The following GRM1 variants were observed in gnomAD, a reference collection of about 807,000 sequenced individuals.
GRM1 encodes the protein metabotropic glutamate receptor 1.
Under a neutral mutation model 90.9 loss-of-function variants are expected in GRM1, and 33 were observed. The observed-to-expected ratio is 0.36, with a 90% confidence interval of 0.28 to 0.49. The LOEUF (loss-of-function observed/expected upper bound fraction) is 0.49, where lower values mean the gene tolerates loss of function less well. GRM1 is among the 20% of genes least tolerant of loss of function. The pLI is 0.99. For synonymous variants in GRM1, 700 were observed against 613.2 expected, an observed-to-expected ratio of 1.14 and a Z score of -2.09; for missense variants, 1,190 against 1,534.3, an observed-to-expected ratio of 0.78 and a Z score of 3.75.
chr6:146,271,080 C>T (rs1409882900), intron 2 of GRM1, among the ~76,000 whole-genome samples: 9 of 151,402 alleles, frequency 5.9e-5, no homozygotes, highest in African/African-American at 2.2e-4. Flanking sequence ...TCTCAGCTCA[C>T]TGCAACCTTC....
Position 146,434,888 on chromosome 6 carries a change from T to TG in GRM1, c.*98dup, listed in dbSNP as rs1778546852. On this transcript the variant is annotated 3_prime_UTR_variant, in exon 8 of 8. Coordinates refer to ENST00000282753, the MANE Select transcript of GRM1 (RefSeq NM_001278064.2). ...ACAGCTGGGAGGAAAAGCCTGGGAG[T>TG]GGGGGGCCTCGTCGGGAGGACAGGA... The TG allele has an allele frequency of 3.5e-6, 4 of 1,137,856 alleles. No homozygotes were observed. Among genetic ancestry groups the TG allele is most frequent in the East Asian group, 2.4e-5 (1 of 41,720 alleles). The allele number at this position is 1,137,856 out of a possible 1,614,324, so 70.5% of individuals were successfully genotyped here. A position where few individuals can be genotyped will look rare whatever the true frequency, so the allele number is the denominator to read the frequency against.
intron 2 of GRM1, among the ~76,000 whole-genome samples, chr6:146,229,530 A>G (rs1183034938): frequency 6.6e-6 from 1 of 151,932 alleles, no homozygotes; most frequent in Admixed American, 6.6e-5. Context: ...AAAAGTAACC[A>G]AAGTCACGTT....
At chr6:146,137,606 A>C (rs1191250459) in intron 1 of GRM1, among the ~76,000 whole-genome samples, 4 of 151,708 alleles carry the variant, frequency 2.6e-5, no homozygotes, top group Non-Finnish European at 5.9e-5. Context: ...TGATTCCTCA[A>C]TTTTTTTTCC....
At chr6:146,371,585 T>A (rs1429018876) in intron 5 of GRM1, among the ~76,000 whole-genome samples, 2 of 152,062 alleles carry the variant, frequency 1.3e-5, no homozygotes, top group Non-Finnish European at 2.9e-5. Context: ...TCTTTTGTAC[T>A]CATTAACCAT....
At chr6:146,062,041 C>G (rs771737128) in intron 1 of GRM1, among the ~76,000 whole-genome samples, 1 of 152,056 alleles carries the variant, frequency 6.6e-6, no homozygotes, top group Non-Finnish European at 1.5e-5. Flanking sequence ...AAGACACACA[C>G]GCACGTATGT....
chr6:146,106,685 T>C lies in GRM1; in HGVS notation c.701-52663T>C, dbSNP rs1775315672. On this transcript the variant is annotated intron_variant, in intron 1 of 7. Coordinates refer to ENST00000282753, the MANE Select transcript of GRM1 (RefSeq NM_001278064.2). Reference sequence around the variant, plus strand: ...TATAGCCATTGACCTTCCCAGTGACTGCCAACAAAATCCTTTAGTTTATCA... The same window carrying C: ...TATAGCCATTGACCTTCCCAGTGACCGCCAACAAAATCCTTTAGTTTATCA... Among the ~76,000 whole-genome samples, 3 of 152,354 alleles carry C rather than the reference T, an allele frequency of 2.0e-5. No individual in the cohort carries two copies. The South Asian group carries it at 6.2e-4, about 32-fold the overall frequency.
intron 5 of GRM1, among the ~76,000 whole-genome samples, chr6:146,365,988 C>T (rs1775672001): frequency 6.6e-6 from 1 of 152,132 alleles, no homozygotes; most frequent in African/African-American, 2.4e-5. Context: ...CCCCTGTGAC[C>T]TATTCCTCTT....
intron 2 of GRM1, among the ~76,000 whole-genome samples, chr6:146,197,455 C>A (rs1420377668): frequency 3.3e-5 from 5 of 152,154 alleles, no homozygotes; most frequent in African/African-American, 7.2e-5. Context: ...GGGATAAGAT[C>A]CCTGAAAACA....
At chr6:146,388,051 A>G (rs1482002114) in intron 6 of GRM1, among the ~76,000 whole-genome samples, 1 of 152,112 alleles carries the variant, frequency 6.6e-6, no homozygotes, top group African/African-American at 2.4e-5. Context: ...TAAGTTTCCT[A>G]AGAGTGATGT....
chr6:146,196,028 C>A (rs1779102678), intron 2 of GRM1, among the ~76,000 whole-genome samples: 1 of 152,128 alleles, frequency 6.6e-6, no homozygotes. Context: ...TTTTCCTGAA[C>A]AAAGGTATCC....
chr6:146,109,839 G>A (rs561313352), intron 1 of GRM1, among the ~76,000 whole-genome samples: 32 of 152,336 alleles, frequency 2.1e-4, no homozygotes, highest in African/African-American at 6.7e-4. Context: ...GAGAGACATG[G>A]AGTCAAAGGA....
chr6:146,325,844 G>C (rs767549015), intron 3 of GRM1, among the ~76,000 whole-genome samples: 1 of 152,042 alleles, frequency 6.6e-6, no homozygotes, highest in Non-Finnish European at 1.5e-5. Flanking sequence ...TCTTTTGTCA[G>C]AGTGCCTTTT....
chr6:146,336,942 G>A (rs1161981947), intron 3 of GRM1, among the ~76,000 whole-genome samples: 2 of 152,214 alleles, frequency 1.3e-5, no homozygotes, highest in Non-Finnish European at 2.9e-5. Context: ...GTACCCTCAG[G>A]TGTTTGTGTC....
intron 1 of GRM1, among the ~76,000 whole-genome samples, chr6:146,049,532 TG>T (rs1352018962): frequency 6.6e-6 from 1 of 151,992 alleles, no homozygotes; most frequent in African/African-American, 2.4e-5. Flanking sequence ...CTCAGGCCTT[TG>T]GACTTAGACT....
chr6:146,088,734 C>G (rs1333246588), intron 1 of GRM1, among the ~76,000 whole-genome samples: 2 of 152,092 alleles, frequency 1.3e-5, no homozygotes, highest in Non-Finnish European at 2.9e-5. Flanking sequence ...ATCCACCTAT[C>G]TATAAGCAGG....
At chr6:146,335,637 TTTAAAG>T (rs1784747096) in intron 3 of GRM1, among the ~76,000 whole-genome samples, 1 of 152,198 alleles carries the variant, frequency 6.6e-6, no homozygotes, top group Admixed American at 6.5e-5. Context: ...ATTTTTAATC[TTTAAAG>T]TTCAAGACAC....
chr6:146,336,214 G>A (rs1300609665), intron 3 of GRM1, among the ~76,000 whole-genome samples: 1 of 152,120 alleles, frequency 6.6e-6, no homozygotes, highest in African/African-American at 2.4e-5. Flanking sequence ...TTATGGTGTA[G>A]TAGAATCTAG....
At chr6:146,278,451 A>G (rs1782450311) in intron 2 of GRM1, among the ~76,000 whole-genome samples, 1 of 152,132 alleles carries the variant, frequency 6.6e-6, no homozygotes, top group Admixed American at 6.6e-5. Context: ...TGCCTCTGGT[A>G]GTAGAGAGAG....
At chr6:146,244,348 C>G (rs1583214354) in intron 2 of GRM1, among the ~76,000 whole-genome samples, 1 of 152,284 alleles carries the variant, frequency 6.6e-6, no homozygotes, top group Non-Finnish European at 1.5e-5. Context: ...ATTTGGGGAA[C>G]TAATAAATGT....
Sources: gnomAD v4.1 joint callset for allele counts (sites outside exome capture counted in the v4.1 genomes callset) on GRCh38, gnomAD v4.1.1 for gene constraint, MANE v1.5 for transcripts, NCBI Gene and HGNC (gene_info 2026-07-23, HGNC 2026-07-21) for gene names.